Variants in NUBPL observed in about 807,000 individuals in gnomAD.
The protein encoded by NUBPL is iron-sulfur cluster transfer protein NUBPL.
A neutral mutation model predicts 45.7 loss-of-function variants in NUBPL; 31 were observed. That is an observed-to-expected ratio of 0.68 (90% CI 0.51 to 0.92). NUBPL has a LOEUF of 0.92. NUBPL is among the 40% of genes least tolerant of loss of function. The pLI, the probability that NUBPL is intolerant of heterozygous loss-of-function variation, is 0.00. For synonymous variants in NUBPL, 144 were observed against 140.9 expected (o/e 1.02, Z -0.15); for missense variants, 401 against 398.7 (o/e 1.01, Z -0.05).
At chr14:31,807,178 A>G (rs191953299) in intron 7 of NUBPL, among the ~76,000 whole-genome samples, 128 of 152,236 alleles carry the variant, frequency 8.4e-4, no homozygotes, top group African/African-American at 2.9e-3. Flanking sequence ...CTAGTTTTAG[A>G]TCCTTGAGGA....
At chr14:31,800,577 C>T (rs921862653) in intron 7 of NUBPL, among the ~76,000 whole-genome samples, 1 of 152,096 alleles carries the variant, frequency 6.6e-6, no homozygotes, top group Admixed American at 6.5e-5. Flanking sequence ...TTGCTACAAA[C>T]CTTCAATTTG....
intron 6 of NUBPL, among the ~76,000 whole-genome samples, chr14:31,732,609 C>CTTTTTTTTTTTTTTTTTTTTT (rs71986817): frequency 1.2e-5 from 1 of 81,036 alleles, no homozygotes; most frequent in Non-Finnish European, 2.3e-5. Flanking sequence ...AATTTGTTCT[C>CTTTTTTTTTTTTTTTTTTTTT]TTTTTTTTTT....
intron 6 of NUBPL, among the ~76,000 whole-genome samples, chr14:31,723,959 G>C (rs2037866075): frequency 6.6e-6 from 1 of 152,098 alleles, no homozygotes; most frequent in Non-Finnish European, 1.5e-5. Flanking sequence ...TGATTGCTCT[G>C]GTCAGGACTT....
chr14:31,707,457 G>T (rs1310070745), intron 6 of NUBPL, among the ~76,000 whole-genome samples: 1 of 149,798 alleles, frequency 6.7e-6, no homozygotes, highest in African/African-American at 2.5e-5. Flanking sequence ...CTCCCTCTTT[G>T]TCTGTCTCTT....
At chr14:31,653,501 C>T (rs1418241696) in intron 4 of NUBPL, among the ~76,000 whole-genome samples, 3 of 152,194 alleles carry the variant, frequency 2.0e-5, no homozygotes, top group Non-Finnish European at 2.9e-5. Flanking sequence ...TGTTTATAGG[C>T]TGTCTGCAAG....
intron 3 of NUBPL, among the ~76,000 whole-genome samples, chr14:31,567,830 GCTTA>G (rs2033477663): frequency 1.3e-5 from 2 of 152,156 alleles, no homozygotes; most frequent in Non-Finnish European, 2.9e-5. Flanking sequence ...CCCACCCTAG[GCTTA>G]CTGAATCAGA....
chr14:31,659,302 A>T (rs2036214350), intron 4 of NUBPL, among the ~76,000 whole-genome samples: 1 of 152,198 alleles, frequency 6.6e-6, no homozygotes, highest in Admixed American at 6.5e-5. Context: ...ATGCCTGACA[A>T]CTTGGAGATG....
At chr14:31,725,912 G>C (rs972725179) in intron 6 of NUBPL, among the ~76,000 whole-genome samples, 1 of 151,826 alleles carries the variant, frequency 6.6e-6, no homozygotes, top group Non-Finnish European at 1.5e-5. Flanking sequence ...GTTTCATCAT[G>C]TTGGCCAGGA....
intron 6 of NUBPL, among the ~76,000 whole-genome samples, chr14:31,769,700 A>G (rs919019012): frequency 2.6e-5 from 4 of 151,458 alleles, no homozygotes; most frequent in Admixed American, 2.6e-4. Flanking sequence ...GTGCTTTTGG[A>G]TAAAAATTCC....
intron 6 of NUBPL, among the ~76,000 whole-genome samples, chr14:31,676,396 A>G (rs755442513): frequency 4.1e-4 from 63 of 152,178 alleles, no homozygotes; most frequent in Non-Finnish European, 8.7e-4. Flanking sequence ...GTTGCATATA[A>G]TAGTAGTTGG....
chr14:31,781,665 G>GT (rs2039193715), intron 6 of NUBPL, among the ~76,000 whole-genome samples: 1 of 152,154 alleles, frequency 6.6e-6, no homozygotes, highest in Non-Finnish European at 1.5e-5. Flanking sequence ...TATAAGTTCT[G>GT]TGCTTTAATA....
intron 6 of NUBPL, among the ~76,000 whole-genome samples, chr14:31,704,710 CT>C (rs1183395858): frequency 1.3e-5 from 2 of 151,992 alleles, no homozygotes; most frequent in Admixed American, 1.3e-4. Flanking sequence ...TCTTTGTTCA[CT>C]TTTTTTCTCA....
chr14:31,673,126 G>A (rs990877102), intron 4 of NUBPL, among the ~76,000 whole-genome samples: 1 of 152,160 alleles, frequency 6.6e-6, no homozygotes, highest in African/African-American at 2.4e-5. Context: ...TGCAAAGAAA[G>A]AATATGTGAG....
At chr14:31,828,909 T>A (rs1029287676) in intron 8 of NUBPL, among the ~76,000 whole-genome samples, 1 of 152,196 alleles carries the variant, frequency 6.6e-6, no homozygotes, top group Non-Finnish European at 1.5e-5. Context: ...CAGGTTAGGC[T>A]ATTGTTAGGT....
intron 3 of NUBPL, among the ~76,000 whole-genome samples, chr14:31,578,318 AG>A (rs1175131039): frequency 1.3e-5 from 2 of 152,206 alleles, no homozygotes; most frequent in East Asian, 1.9e-4. Flanking sequence ...GGTAAGATTA[AG>A]GGCTCTGAGA....
intron 4 of NUBPL, among the ~76,000 whole-genome samples, chr14:31,672,845 G>T (rs1217936196): frequency 2.0e-5 from 3 of 152,148 alleles, no homozygotes; most frequent in Non-Finnish European, 4.4e-5. Flanking sequence ...AGTATGCTTG[G>T]TATAATGTTT....
At chr14:31,800,330 A>G (rs1566568704) in intron 7 of NUBPL, among the ~76,000 whole-genome samples, 1 of 152,228 alleles carries the variant, frequency 6.6e-6, no homozygotes, top group Non-Finnish European at 1.5e-5. Flanking sequence ...TACAGTGAGA[A>G]TACATACAAC....
chr14:31,686,324 G>A (rs1384826106), intron 6 of NUBPL, among the ~76,000 whole-genome samples: 1 of 152,164 alleles, frequency 6.6e-6, no homozygotes, highest in Non-Finnish European at 1.5e-5. Context: ...AGTCAAGAGG[G>A]ATCAGGAGAC....
chr14:31,748,205 T>C (rs2140013679), intron 6 of NUBPL, among the ~76,000 whole-genome samples: 1 of 152,322 alleles, frequency 6.6e-6, no homozygotes, highest in African/African-American at 2.4e-5. Context: ...TTGAGATTTG[T>C]TTTGTGGCCT....
Sources: allele counts gnomAD v4.1 joint callset (sites outside exome capture counted in the v4.1 genomes callset), GRCh38; gene constraint gnomAD v4.1.1; transcripts MANE v1.5; gene names NCBI Gene and HGNC (gene_info 2026-07-23, HGNC 2026-07-21).